The following FRMD4A variants were observed in gnomAD, a reference collection of about 807,000 sequenced individuals.
The protein encoded by FRMD4A is FERM domain-containing protein 4A.
Under a neutral mutation model 129.1 loss-of-function variants are expected in FRMD4A, and 29 were observed. That is an observed-to-expected ratio of 0.22 (90% CI 0.17 to 0.31). The LOEUF is 0.31. Among genes scored for constraint, FRMD4A ranks in the 10% least tolerant of loss-of-function variants. The pLI, the probability that FRMD4A is intolerant of heterozygous loss-of-function variation, is 1.00. For synonymous variants in FRMD4A, 634 were observed against 571.6 expected, an observed-to-expected ratio of 1.11 and a Z score of -1.56; for missense variants, 1,272 against 1,375.8, an observed-to-expected ratio of 0.92 and a Z score of 1.19.
chr10:13,724,387 C>CA (rs56241757), intron 12 of FRMD4A, among the ~76,000 whole-genome samples: 41,852 of 145,074 alleles, frequency 0.29, 6,585 homozygotes, highest in South Asian at 0.43. Context: ...GACTCTGTCT[C>CA]AAAAAAAAAA....
At chr10:13,665,791 A>G (rs940968222) in intron 18 of FRMD4A, among the ~76,000 whole-genome samples, 1 of 152,128 alleles carries the variant, frequency 6.6e-6, no homozygotes, top group African/African-American at 2.4e-5. Flanking sequence ...AGCCCAGTCA[A>G]CTCAGCTCAG....
At chr10:13,670,550 C>CG in intron 16 of FRMD4A, 22 bp from the exon 17 acceptor site, 1 of 1,609,618 alleles carries the variant, frequency 6.2e-7, no homozygotes. Flanking sequence ...AAATGGCATT[C>CG]GGAGTGAGCA....
intron 2 of FRMD4A, among the ~76,000 whole-genome samples, chr10:14,155,084 T>A (rs1232182079): frequency 6.6e-6 from 1 of 152,214 alleles, no homozygotes; most frequent in African/African-American, 2.4e-5. Flanking sequence ...AAGCCAGGAA[T>A]TTGAGACCAG....
At chr10:13,764,695 T>C (rs1054858788) in intron 6 of FRMD4A, among the ~76,000 whole-genome samples, 3 of 152,174 alleles carry the variant, frequency 2.0e-5, no homozygotes, top group Non-Finnish European at 4.4e-5. Context: ...ATACACAATT[T>C]AATTGATATC....
At position 14,160,955 on chromosome 10, in the gene FRMD4A, AT is replaced by A. The variant is rs199709125; in HGVS notation, c.45+169102del. ...AGCCATTATGGAAAACTGCATGAAG[AT>A]TTTTTTTTTCTCTTGAGACGGGAGT... On this transcript the variant is annotated intron_variant, in intron 2 of 24. Coordinates refer to ENST00000357447, the MANE Select transcript of FRMD4A (RefSeq NM_018027.5). Among the ~76,000 whole-genome samples the A allele has an allele frequency of 1.4e-3, 206 of 150,826 alleles. 1 individual carries two copies. The highest frequency in any genetic ancestry group is 4.3e-3 in the African/African-American group (177 of 41,114).
At chr10:14,116,383 T>C (rs548577735) in intron 2 of FRMD4A, among the ~76,000 whole-genome samples, 3 of 152,308 alleles carry the variant, frequency 2.0e-5, no homozygotes, top group Non-Finnish European at 2.9e-5. Flanking sequence ...TAAGATCACA[T>C]TGAGCCCATT....
chr10:14,081,167 C>T (rs1022135545), intron 2 of FRMD4A, among the ~76,000 whole-genome samples: 4 of 152,090 alleles, frequency 2.6e-5, no homozygotes, highest in Middle Eastern at 3.2e-3. Context: ...TATAAAACCA[C>T]GGTAGTCAAG....
chr10:14,094,776 A>T (rs919503511), intron 2 of FRMD4A, among the ~76,000 whole-genome samples: 1 of 152,070 alleles, frequency 6.6e-6, no homozygotes, highest in Non-Finnish European at 1.5e-5. Context: ...TGTAATTAAT[A>T]CCTCTGCAGC....
chr10:13,675,447 C>T (rs1284161704), intron 15 of FRMD4A, among the ~76,000 whole-genome samples: 4 of 152,172 alleles, frequency 2.6e-5, no homozygotes. Context: ...TGTCACCCAG[C>T]CTGGAGTACA....
At chr10:14,103,381 G>A (rs1837411405) in intron 2 of FRMD4A, among the ~76,000 whole-genome samples, 1 of 152,102 alleles carries the variant, frequency 6.6e-6, no homozygotes, top group Admixed American at 6.5e-5. Flanking sequence ...TCCTACTGCA[G>A]CCTGGAATAC....
chr10:13,650,344 TG>T (rs2081456833), intron 24 of FRMD4A, among the ~76,000 whole-genome samples: 1 of 152,202 alleles, frequency 6.6e-6, no homozygotes, highest in African/African-American at 2.4e-5. Flanking sequence ...CTGTCTTACC[TG>T]GTCTGGGAAG....
At chr10:13,987,824 G>T (rs1400889404) in intron 2 of FRMD4A, among the ~76,000 whole-genome samples, 1 of 152,212 alleles carries the variant, frequency 6.6e-6, no homozygotes, top group Non-Finnish European at 1.5e-5. Flanking sequence ...AACAGAACAA[G>T]ATTTCTAAGC....
At chr10:13,928,820 C>G (rs1461187739) in intron 2 of FRMD4A, among the ~76,000 whole-genome samples, 2 of 152,192 alleles carry the variant, frequency 1.3e-5, no homozygotes, top group Admixed American at 6.5e-5. Flanking sequence ...GCACAAGTTA[C>G]AGGGGACTTC....
intron 2 of FRMD4A, among the ~76,000 whole-genome samples, chr10:14,044,212 C>T (rs1409449199): frequency 6.6e-6 from 1 of 152,216 alleles, no homozygotes; most frequent in Non-Finnish European, 1.5e-5. Context: ...CATTCTCTTT[C>T]CTGTCGCCCC....
chr10:13,648,974 C>T (rs2081331790), intron 24 of FRMD4A, among the ~76,000 whole-genome samples: 1 of 151,620 alleles, frequency 6.6e-6, no homozygotes, highest in Non-Finnish European at 1.5e-5. Flanking sequence ...CTTTCAGAGG[C>T]CTGAAATGTA....
intron 2 of FRMD4A, among the ~76,000 whole-genome samples, chr10:14,225,798 C>T (rs922278542): frequency 6.6e-6 from 1 of 152,322 alleles, no homozygotes; most frequent in East Asian, 1.9e-4. Context: ...TCTGTTCTAC[C>T]TGCCAGTTCG....
At chr10:14,048,283 G>A (rs991892327) in intron 2 of FRMD4A, among the ~76,000 whole-genome samples, 12 of 152,138 alleles carry the variant, frequency 7.9e-5, no homozygotes, top group Admixed American at 4.6e-4. Context: ...GATTTGGACC[G>A]GGAAGCAGGA....
At chr10:13,997,919 C>T (rs1257298122) in intron 2 of FRMD4A, among the ~76,000 whole-genome samples, 1 of 152,148 alleles carries the variant, frequency 6.6e-6, no homozygotes, top group Admixed American at 6.5e-5. Flanking sequence ...CAACACAAAG[C>T]AATTTTGATG....
In FRMD4A at chr10:14,039,842, C is replaced by T. The variant is rs537612277; in HGVS notation, c.46-180930G>A. Among the ~76,000 whole-genome samples the T allele has an allele frequency of 8.5e-5, 13 of 152,206 alleles. No homozygotes were observed. The East Asian group carries it at 1.9e-3, about 23-fold the overall frequency. ...CCTTGGGCGCATGTCGTCAGGACCT[C>T]GTGAGGCTGTGTCACGGCCGTGCAT... is the stretch of plus-strand genomic sequence containing the variant. On this transcript the variant is annotated intron_variant, in intron 2 of 24. Coordinates refer to ENST00000357447, the MANE Select transcript of FRMD4A (RefSeq NM_018027.5).
Sources: gnomAD v4.1 joint callset for allele counts (sites outside exome capture counted in the v4.1 genomes callset) on GRCh38, gnomAD v4.1.1 for gene constraint, MANE v1.5 for transcripts, NCBI Gene and HGNC (gene_info 2026-07-23, HGNC 2026-07-21) for gene names.